Variants in CREBRF observed in about 807,000 individuals in gnomAD.
CREBRF encodes the protein UPF0474 protein C5orf41.
A neutral mutation model predicts 66.1 loss-of-function variants in CREBRF; 5 were observed. That is an observed-to-expected ratio of 0.08 (90% CI 0.04 to 0.16). CREBRF has a LOEUF of 0.16. Among genes scored for constraint, CREBRF ranks in the 10% least tolerant of loss-of-function variants. The probability of loss-of-function intolerance (pLI) is 1.00; values close to 1 mark genes in which losing one functional copy is unlikely to be tolerated. For missense variants in CREBRF, 531 were observed against 744.9 expected (o/e 0.71, Z 3.34); for synonymous variants, 229 against 264.4 (o/e 0.87, Z 1.30).
chr5:173,138,684 T>G lies in CREBRF; in HGVS notation c.*4939T>G, dbSNP rs1759643018. ...CTGGGTGGATAGGAGCAGGACTGAT[T>G]ACTATGTCTTGCCCTTCGCCCTTTG... On this transcript the variant is annotated 3_prime_UTR_variant, in exon 9 of 9. Coordinates refer to ENST00000296953, the MANE Select transcript of CREBRF (RefSeq NM_153607.3). 6.6e-6 allele frequency: 1 copy of G among 152,238 alleles called. No homozygotes were observed. The highest frequency in any genetic ancestry group is 2.4e-5 in the African/African-American group (1 of 41,454). The allele number at this position is 152,238 out of a possible 1,614,324, so 9.4% of individuals were successfully genotyped here.
Position 173,090,267 on chromosome 5 carries a change from T to A in CREBRF, c.136-48T>A. On this transcript the variant is annotated intron_variant, in intron 3 of 8. Transcript: ENST00000296953. This position sits in a 1 kb window ranked among gnomAD's most constrained non-coding sequence, Gnocchi z 4.5. ...CAGTTTGACATATGGAGGTGAATAT[T>A]TCCTTCTGAAATATGATGTGCAATT... 3 of 1,482,614 alleles carry A rather than the reference T, an allele frequency of 2.0e-6. No homozygotes were observed. Among genetic ancestry groups the A allele is most frequent in the Non-Finnish European group, 2.7e-6 (3 of 1,091,482 alleles). The allele number at this position is 1,482,614 out of a possible 1,614,324, so 91.8% of individuals were successfully genotyped here.
In CREBRF at chr5:173,127,162, CTTT is replaced by C. The variant is rs70984944; in HGVS notation, c.1804+3978_1804+3980del. On this transcript the variant is annotated intron_variant, in intron 8 of 8. Transcript: ENST00000296953. The stretch of plus-strand genomic sequence containing the variant: ...TTTAAATGGGTTGGAGTTTCTTTTT[CTTT>C]TTTTTTTTTTTTTTTTTGAGACAGT... Among the ~76,000 whole-genome samples, 567 of 114,726 alleles carry C rather than the reference CTTT, an allele frequency of 4.9e-3. 3 individuals are homozygous for C. Among genetic ancestry groups the C allele is most frequent in the African/African-American group, 0.016 (470 of 30,038 alleles). 75.3% of individuals were successfully genotyped at this position (114,726 alleles called of 152,430 possible). A position where few individuals can be genotyped will look rare whatever the true frequency, so the allele number is the denominator to read the frequency against.
intron 7 of CREBRF, among the ~76,000 whole-genome samples, chr5:173,119,966 A>G (rs1367220116): frequency 1.3e-5 from 2 of 152,126 alleles, no homozygotes; most frequent in African/African-American, 2.4e-5. Flanking sequence ...AATAAACGCT[A>G]CTTGGTTATG....
intron 1 of CREBRF, among the ~76,000 whole-genome samples, chr5:173,072,199 C>G (rs1379375448): frequency 6.6e-6 from 1 of 152,078 alleles, no homozygotes; most frequent in Non-Finnish European, 1.5e-5. Context: ...TCTTGAACTC[C>G]TGAGCTCAAG....
chr5:173,101,264 C>T (rs114591070), intron 4 of CREBRF, among the ~76,000 whole-genome samples: 401 of 151,806 alleles, frequency 2.6e-3, no homozygotes, highest in African/African-American at 8.9e-3. Flanking sequence ...ACCATGTTAC[C>T]CAGGCTGGTC....
intron 8 of CREBRF, among the ~76,000 whole-genome samples, chr5:173,127,061 AG>A (rs1759291120): frequency 1.3e-5 from 2 of 152,334 alleles, no homozygotes; most frequent in Admixed American, 1.3e-4. Context: ...CCTGGGCAAC[AG>A]AGTGAGACCC....
intron 4 of CREBRF, among the ~76,000 whole-genome samples, chr5:173,103,470 A>G (rs1758675055): frequency 6.6e-6 from 1 of 152,234 alleles, no homozygotes; most frequent in Non-Finnish European, 1.5e-5. Context: ...AATTCTTTGT[A>G]GCAAAAGAGT....
chr5:173,087,942 G>A (rs964703942), intron 3 of CREBRF, among the ~76,000 whole-genome samples: 3 of 151,568 alleles, frequency 2.0e-5, no homozygotes, highest in Non-Finnish European at 4.4e-5. Context: ...TCCTGCCTCA[G>A]CCTCCCGAGT....
At chr5:173,066,097 G>A (rs1179327009) in intron 1 of CREBRF, among the ~76,000 whole-genome samples, 2 of 152,092 alleles carry the variant, frequency 1.3e-5, no homozygotes, top group Non-Finnish European at 2.9e-5. Flanking sequence ...CTGCAGGCGT[G>A]TGCCACCTCT....
At chr5:173,114,606 T>A (rs576749410) in intron 7 of CREBRF, among the ~76,000 whole-genome samples, 61 of 152,204 alleles carry the variant, frequency 4.0e-4, no homozygotes, top group Non-Finnish European at 7.5e-4. Flanking sequence ...AAATGTACTC[T>A]GTTGTCTTTA....
chr5:173,128,062 A>AT (rs1347541467), intron 8 of CREBRF, among the ~76,000 whole-genome samples: 1 of 151,928 alleles, frequency 6.6e-6, no homozygotes, highest in Non-Finnish European at 1.5e-5. Context: ...TAGATGCTTA[A>AT]TTTTTTTCTT....
intron 1 of CREBRF, among the ~76,000 whole-genome samples, chr5:173,074,328 T>C (rs1051363619): frequency 3.3e-5 from 5 of 150,662 alleles, no homozygotes; most frequent in Non-Finnish European, 5.9e-5. Flanking sequence ...GGCTTCTTCC[T>C]TATTGGTTCC....
intron 4 of CREBRF, among the ~76,000 whole-genome samples, chr5:173,096,280 C>G (rs1426972851): frequency 1.3e-5 from 2 of 152,128 alleles, no homozygotes; most frequent in Non-Finnish European, 2.9e-5. Flanking sequence ...ATGGTGAAGT[C>G]TTTAGGGTTT....
intron 7 of CREBRF, among the ~76,000 whole-genome samples, chr5:173,119,314 C>T (rs1035178294): frequency 1.3e-5 from 2 of 152,150 alleles, no homozygotes; most frequent in Non-Finnish European, 2.9e-5. Context: ...GACCTGGTAT[C>T]TCTCTCTACC....
Position 173,091,101 on chromosome 5 carries a change from C to G in CREBRF, c.922C>G (p.Pro308Ala), listed in dbSNP as rs750200300. 6.2e-7 allele frequency: 1 copy of G among 1,614,200 alleles called. No homozygotes were observed. Among genetic ancestry groups the G allele is most frequent in the Non-Finnish European group, 8.5e-7 (1 of 1,180,038 alleles). Residue 308 changes from proline (P) to alanine (A), a missense_variant, in exon 4 of 9, where the codon CCT becomes GCT. Transcript: ENST00000296953. ...LLLSPLPQEG[P>A]GSLAAGESSS... ...ACTAAGTCCCCTGCCCCAGGAAGGT[C>G]CTGGGTCACTTGCAGCAGGAGAGAG...
intron 4 of CREBRF, among the ~76,000 whole-genome samples, chr5:173,103,407 A>G (rs1233894473): frequency 2.0e-5 from 3 of 152,232 alleles, no homozygotes; most frequent in South Asian, 4.1e-4. Flanking sequence ...TAGAAGAGCT[A>G]AACAAGTGAC....
chr5:173,082,241 C>T (rs1757976928), intron 2 of CREBRF, among the ~76,000 whole-genome samples: 1 of 151,874 alleles, frequency 6.6e-6, no homozygotes, highest in Non-Finnish European at 1.5e-5. Flanking sequence ...TCCCGATCTC[C>T]TGACCTCGTG....
chr5:173,119,547 G>T (rs1321264267), intron 7 of CREBRF, among the ~76,000 whole-genome samples: 1 of 152,126 alleles, frequency 6.6e-6, no homozygotes, highest in Non-Finnish European at 1.5e-5. Flanking sequence ...TAGATTCCCT[G>T]GGATTTTCTG....
intron 4 of CREBRF, among the ~76,000 whole-genome samples, chr5:173,099,477 G>C (rs1187845668): frequency 6.6e-6 from 1 of 152,090 alleles, no homozygotes; most frequent in Non-Finnish European, 1.5e-5. Flanking sequence ...TAAAGCTAAA[G>C]TGATTTTCTT....
Sources: allele counts gnomAD v4.1 joint callset (sites outside exome capture counted in the v4.1 genomes callset), GRCh38; gene constraint gnomAD v4.1.1; non-coding constraint Gnocchi (gnomAD v3.1); transcripts MANE v1.5; gene names NCBI Gene and HGNC (gene_info 2026-07-23, HGNC 2026-07-21).